Variants in STAU1 observed in about 807,000 individuals in gnomAD.
STAU1 encodes double-stranded RNA-binding protein Staufen homolog 1.
A neutral mutation model predicts 62.9 loss-of-function variants in STAU1; 13 were observed. The ratio of observed to expected loss-of-function variants is 0.21; its 90% CI spans 0.13 to 0.33. The LOEUF (loss-of-function observed/expected upper bound fraction) is 0.33, where lower values mean the gene tolerates loss of function less well. STAU1 is among the 10% of genes least tolerant of loss of function. STAU1 has a pLI of 1.00. For synonymous variants in STAU1, 269 were observed against 265.1 expected (o/e 1.01, Z -0.14); for missense variants, 571 against 712.1 (o/e 0.80, Z 2.25).
At chr20:49,142,997 C>T (rs1161824893) in intron 5 of STAU1, among the ~76,000 whole-genome samples, 1 of 152,042 alleles carries the variant, frequency 6.6e-6, no homozygotes, top group Non-Finnish European at 1.5e-5. Flanking sequence ...GATGAGGTCT[C>T]TCCATCTTGT....
chr20:49,172,611 C>T (rs553214434), intron 2 of STAU1, among the ~76,000 whole-genome samples: 8 of 152,280 alleles, frequency 5.3e-5, no homozygotes, highest in Non-Finnish European at 8.8e-5. Context: ...CCTAGAAACA[C>T]GACTGCATTT....
chr20:49,161,129 G>A (rs2093441637), intron 3 of STAU1, among the ~76,000 whole-genome samples: 1 of 151,728 alleles, frequency 6.6e-6, no homozygotes, highest in Admixed American at 6.6e-5. Context: ...AACAAGCCTG[G>A]GCAACATAGT....
At chr20:49,177,821 G>C (rs1420341863) in intron 1 of STAU1, among the ~76,000 whole-genome samples, 1 of 151,890 alleles carries the variant, frequency 6.6e-6, no homozygotes, top group East Asian at 1.9e-4. Context: ...GAGAGAGAGG[G>C]GAGAAATACA....
chr20:49,158,577 A>T, intron 3 of STAU1: 3 of 1,132,334 alleles, frequency 2.6e-6, no homozygotes, highest in Non-Finnish European at 2.4e-6. Context: ...TGGGAGGCCA[A>T]GGCAGGCAGA....
At chr20:49,179,245 C>T (rs891757194) in intron 1 of STAU1, 1 of 124,270 alleles carries the variant, frequency 8.0e-6, no homozygotes, top group Non-Finnish European at 1.8e-5. Context: ...AAAACTCCAC[C>T]TCAAAAAAAA....
intron 5 of STAU1, among the ~76,000 whole-genome samples, chr20:49,138,951 A>G (rs1350893608): frequency 6.6e-6 from 1 of 152,178 alleles, no homozygotes; most frequent in Non-Finnish European, 1.5e-5. Context: ...TGCAAAAGTA[A>G]TTACCAATCT....
At chr20:49,219,231 C>T in the STAU1 span, 1 of 971,738 alleles carries the variant, frequency 1.0e-6, no homozygotes, top group East Asian at 2.7e-5. Flanking sequence ...ATGGAATTTG[C>T]TTACCTAAAA....
chr20:49,153,150 T>C (rs573658548), intron 4 of STAU1, among the ~76,000 whole-genome samples: 44 of 147,146 alleles, frequency 3.0e-4, no homozygotes, highest in African/African-American at 1.1e-3. Flanking sequence ...CTTGGGAGGC[T>C]GAGGCAGGAG....
the STAU1 span, among the ~76,000 whole-genome samples, chr20:49,206,935 T>C: frequency 1.3e-5 from 2 of 151,388 alleles, no homozygotes; most frequent in Admixed American, 1.3e-4. Context: ...TTTGTATTTT[T>C]AGTAGAGACG....
the STAU1 span, among the ~76,000 whole-genome samples, chr20:49,213,112 C>A: frequency 6.6e-6 from 1 of 151,898 alleles, no homozygotes; most frequent in South Asian, 2.1e-4. Flanking sequence ...CTCAGGCAAT[C>A]CTCCTGCCTC....
chr20:49,118,426 A>AT lies in STAU1; in HGVS notation c.1114-19_1114-18insA. 1 of 1,572,396 alleles carries AT rather than the reference A, an allele frequency of 6.4e-7. No homozygotes were observed. The highest frequency in any genetic ancestry group is 8.7e-7 in the Non-Finnish European group (1 of 1,153,506). On this transcript the variant is annotated intron_variant, in intron 9 of 13. Transcript: ENST00000371856. ...ATGGGTGTCTTAAAAAAGAAGAAGA[A>AT]AAAAAAAAGGCCATGAGCATAAATC...
intron 4 of STAU1, among the ~76,000 whole-genome samples, chr20:49,152,484 C>T (rs1017167032): frequency 2.0e-5 from 3 of 151,644 alleles, no homozygotes; most frequent in African/African-American, 7.3e-5. Flanking sequence ...GCTGGGATTA[C>T]AGGCACCTGC....
intron 2 of STAU1, among the ~76,000 whole-genome samples, chr20:49,168,600 A>C (rs1429696103): frequency 6.6e-6 from 1 of 152,218 alleles, no homozygotes; most frequent in African/African-American, 2.4e-5. Context: ...GATAAATATG[A>C]AAATGCAACA....
At chr20:49,197,103 C>T in the STAU1 span, among the ~76,000 whole-genome samples, 258 of 148,704 alleles carry the variant, frequency 1.7e-3, no homozygotes, top group Non-Finnish European at 3.3e-3. Flanking sequence ...TGCAGTGAGC[C>T]GAGATCGCAC....
chr20:49,154,903 G>T (rs914288800), intron 3 of STAU1, among the ~76,000 whole-genome samples: 2 of 151,372 alleles, frequency 1.3e-5, no homozygotes, highest in African/African-American at 4.9e-5. Flanking sequence ...TGGCTAACAC[G>T]GTGAAACCCC....
chr20:49,159,047 C>G, intron 3 of STAU1: 1 of 1,267,378 alleles, frequency 7.9e-7, no homozygotes, highest in Non-Finnish European at 1.0e-6. Flanking sequence ...ACTCAAAACC[C>G]TGGCAGGCAG....
the STAU1 span, chr20:49,210,629 G>T: frequency 3.2e-5 from 13 of 400,600 alleles, no homozygotes; most frequent in African/African-American, 2.7e-4. Context: ...CTTACACTTT[G>T]CATATTGTTT....
the STAU1 span, among the ~76,000 whole-genome samples, chr20:49,218,599 C>T: frequency 6.6e-6 from 1 of 151,930 alleles, no homozygotes; most frequent in Non-Finnish European, 1.5e-5. Context: ...TCATGTTGCC[C>T]AGGGTTGTCT....
the STAU1 span, among the ~76,000 whole-genome samples, chr20:49,197,839 G>A: frequency 6.6e-6 from 1 of 151,974 alleles, no homozygotes; most frequent in Non-Finnish European, 1.5e-5. Context: ...CCAAGTAGCT[G>A]GGAATACAGG....
Sources: allele counts gnomAD v4.1 joint callset (sites outside exome capture counted in the v4.1 genomes callset), GRCh38; gene constraint gnomAD v4.1.1; transcripts MANE v1.5; gene names NCBI Gene and HGNC (gene_info 2026-07-23, HGNC 2026-07-21).